DENND5B: variants seen among roughly 807,000 people sequenced by gnomAD.
DENND5B encodes the protein DENN domain-containing protein 5B.
Under a neutral mutation model 140.6 loss-of-function variants are expected in DENND5B, and 34 were observed. That is an observed-to-expected ratio of 0.24 (90% CI 0.18 to 0.32). The LOEUF is 0.32. Among genes scored for constraint, DENND5B ranks in the 10% least tolerant of loss-of-function variants. DENND5B has a pLI of 1.00. For synonymous variants in DENND5B, 551 were observed against 562.1 expected, an observed-to-expected ratio of 0.98 and a Z score of 0.28; for missense variants, 1,142 against 1,560.2, an observed-to-expected ratio of 0.73 and a Z score of 4.52.
chr12:31,435,953 AT>A (rs1943734448), intron 7 of DENND5B, among the ~76,000 whole-genome samples: 1 of 151,964 alleles, frequency 6.6e-6, no homozygotes, highest in Non-Finnish European at 1.5e-5. Context: ...CAAGCCACCA[AT>A]GCTCAGCTAA....
intron 1 of DENND5B, among the ~76,000 whole-genome samples, chr12:31,573,625 C>A (rs138450878): frequency 0.017 from 2,577 of 152,316 alleles, 39 homozygotes; most frequent in Non-Finnish European, 0.027. Context: ...GTAGGCTCAA[C>A]ACTTGTGCAA....
intron 1 of DENND5B, among the ~76,000 whole-genome samples, chr12:31,544,616 GTGAAAC>G (rs1948793904): frequency 6.6e-6 from 1 of 151,952 alleles, no homozygotes; most frequent in South Asian, 2.1e-4. Flanking sequence ...TATGAATAGA[GTGAAAC>G]TGAAATTACA....
At chr12:31,462,679 G>A (rs1304681964) in intron 3 of DENND5B, among the ~76,000 whole-genome samples, 1 of 152,082 alleles carries the variant, frequency 6.6e-6, no homozygotes, top group African/African-American at 2.4e-5. Flanking sequence ...AAAAGGCCGG[G>A]CAGGCACAGT....
At chr12:31,556,254 G>A (rs779007013) in intron 1 of DENND5B, among the ~76,000 whole-genome samples, 1 of 152,110 alleles carries the variant, frequency 6.6e-6, no homozygotes, top group Non-Finnish European at 1.5e-5. Flanking sequence ...ACCCAGACTG[G>A]AGTGGAGCAG....
In DENND5B at chr12:31,387,199, GA is replaced by G. The variant is rs199579076; in HGVS notation, c.*403del. On this transcript the variant is annotated 3_prime_UTR_variant, in exon 21 of 21. Transcript: ENST00000389082. ...TCTGGGTTTCTTTGTGATACCTGGA[GA>G]AAAAAAAAAGCCCGACTGGGTTGCA... 1.8e-4 allele frequency: 27 copies of G among 151,894 alleles called. No individual in the cohort carries two copies. The highest frequency in any genetic ancestry group is 6.1e-4 in the South Asian group (3 of 4,930). The allele number at this position is 151,894 out of a possible 1,614,324, so 9.4% of individuals were successfully genotyped here. A position where few individuals can be genotyped will look rare whatever the true frequency, so the allele number is the denominator to read the frequency against.
chr12:31,581,418 G>C (rs1236724724), intron 1 of DENND5B, among the ~76,000 whole-genome samples: 1 of 152,088 alleles, frequency 6.6e-6, no homozygotes, highest in African/African-American at 2.4e-5. Context: ...CTTTCGGCCA[G>C]GCACAGTGGC....
In DENND5B at chr12:31,427,695, T is replaced by C. The variant is rs140010860; in HGVS notation, c.2107-1271A>G. 1.3e-3 allele frequency among the ~76,000 whole-genome samples: 198 copies of C among 152,072 alleles called. 1 individual carries two copies. Among genetic ancestry groups the C allele is most frequent in the African/African-American group, 4.7e-3 (194 of 41,486 alleles). ...AAAAAGTCCAAGTGACTTAGGACCA[T>C]ATTTAGAGAATAACTGCTCTACATT... On this transcript the variant is annotated intron_variant, in intron 8 of 20. Transcript: ENST00000389082.
chr12:31,388,175 A>G (rs1940938736), intron 20 of DENND5B, among the ~76,000 whole-genome samples: 1 of 148,884 alleles, frequency 6.7e-6, no homozygotes, highest in Non-Finnish European at 1.5e-5. Flanking sequence ...AAGGCATGCC[A>G]CAGTATACTG....
At chr12:31,504,715 C>A (rs1004403724) in intron 1 of DENND5B, among the ~76,000 whole-genome samples, 2 of 152,174 alleles carry the variant, frequency 1.3e-5, no homozygotes, top group East Asian at 3.8e-4. Flanking sequence ...CTAAGTCTCA[C>A]ACTATTTCCC....
chr12:31,396,880 C>T (rs747353045), intron 17 of DENND5B, among the ~76,000 whole-genome samples: 1 of 152,130 alleles, frequency 6.6e-6, no homozygotes, highest in Non-Finnish European at 1.5e-5. Context: ...CTTCGGCCTC[C>T]CAAAGTGTTG....
At chr12:31,398,890 G>A (rs1035161282) in intron 16 of DENND5B, among the ~76,000 whole-genome samples, 1 of 151,958 alleles carries the variant, frequency 6.6e-6, no homozygotes, top group Non-Finnish European at 1.5e-5. Context: ...GGGAGGCCAA[G>A]GTGGGTGGAA....
chr12:31,468,253 C>T (rs1259572113), intron 3 of DENND5B, among the ~76,000 whole-genome samples: 1 of 151,240 alleles, frequency 6.6e-6, no homozygotes, highest in Admixed American at 6.6e-5. Context: ...GACCCTGTCT[C>T]AAATTATTTA....
chr12:31,390,000 GAA>G lies in DENND5B; in HGVS notation c.3467-504_3467-503del, dbSNP rs796676185. ...CAATAAGATTCTAGGCATTCCAGAA[GAA>G]AAAAAAAAAATCACTCCTGGGGGCC... On this transcript the variant is annotated intron_variant, in intron 19 of 20. Transcript: ENST00000389082. Among the ~76,000 whole-genome samples, 4 of 141,042 alleles carry G rather than the reference GAA, an allele frequency of 2.8e-5. No individual in the cohort carries two copies. The East Asian group carries it at 6.1e-4, about 21-fold the overall frequency. The allele number at this position is 141,042 out of a possible 152,430, so 92.5% of individuals were successfully genotyped here.
At chr12:31,563,424 CTG>C (rs1234262900) in intron 1 of DENND5B, among the ~76,000 whole-genome samples, 1 of 152,130 alleles carries the variant, frequency 6.6e-6, no homozygotes, top group Non-Finnish European at 1.5e-5. Context: ...AAAACAAAAA[CTG>C]AGGATTCCAT....
At chr12:31,535,343 A>C in intron 1 of DENND5B, 1 of 160,274 alleles carries the variant, frequency 6.2e-6, no homozygotes, top group Non-Finnish European at 1.4e-5. Flanking sequence ...GGTGGTAGCC[A>C]CAGGGGTGAC....
chr12:31,539,357 A>G (rs1406863204), intron 1 of DENND5B, among the ~76,000 whole-genome samples: 1 of 152,200 alleles, frequency 6.6e-6, no homozygotes, highest in East Asian at 1.9e-4. Flanking sequence ...CTAGAGGAGG[A>G]GGGAATAATT....
chr12:31,505,288 G>C (rs1208046209), intron 1 of DENND5B, among the ~76,000 whole-genome samples: 1 of 147,076 alleles, frequency 6.8e-6, no homozygotes, highest in African/African-American at 2.5e-5. Flanking sequence ...ACCCAGGCTA[G>C]AGTGTGACGT....
chr12:31,541,434 A>T (rs1284779143), intron 1 of DENND5B, among the ~76,000 whole-genome samples: 1 of 152,240 alleles, frequency 6.6e-6, no homozygotes, highest in East Asian at 1.9e-4. Flanking sequence ...ACAAATGGCA[A>T]ACAGGTATAC....
intron 12 of DENND5B, among the ~76,000 whole-genome samples, chr12:31,415,065 T>C (rs1024762403): frequency 6.6e-6 from 1 of 151,824 alleles, no homozygotes. Context: ...CAGGGAGTGG[T>C]GATTGCACCA....
Sources: gnomAD v4.1 joint callset for allele counts (sites outside exome capture counted in the v4.1 genomes callset) on GRCh38, gnomAD v4.1.1 for gene constraint, MANE v1.5 for transcripts, NCBI Gene and HGNC (gene_info 2026-07-23, HGNC 2026-07-21) for gene names.